Variants in IFNGR2 observed in about 807,000 individuals in gnomAD.
IFNGR2 encodes interferon gamma receptor 2, also known as IFN-gamma receptor 2.
In IFNGR2, 15 loss-of-function variants were observed where a neutral mutation model predicts 41.1. The observed-to-expected ratio is 0.37, with a 90% CI of 0.24 to 0.56. IFNGR2 has a LOEUF of 0.56. IFNGR2 is among the 20% of genes least tolerant of loss of function. The pLI is 0.81. For synonymous variants in IFNGR2, 161 were observed against 171.6 expected (o/e 0.94, Z 0.48); for missense variants, 362 against 415.7 (o/e 0.87, Z 1.12).
At chr21:33,416,333 A>G in intron 2 of IFNGR2, among the ~76,000 whole-genome samples, 1 of 152,244 alleles carries the variant, frequency 6.6e-6, no homozygotes, top group Non-Finnish European at 1.5e-5. Flanking sequence ...CAGACAGCCA[A>G]TAGAAAGGAT....
chr21:33,428,747 A>G (rs2083861280), intron 4 of IFNGR2, among the ~76,000 whole-genome samples: 1 of 152,218 alleles, frequency 6.6e-6, no homozygotes, highest in African/African-American at 2.4e-5. Flanking sequence ...TGCAAGAGAT[A>G]GGATGGGCCC....
chr21:33,432,673 G>A (rs769347613), intron 5 of IFNGR2, 41 bp from the exon 6 acceptor site: 12 of 1,605,490 alleles, frequency 7.5e-6, no homozygotes, highest in South Asian at 2.2e-5. Flanking sequence ...TGTGTTGTGC[G>A]TAGGAAGATC....
chr21:33,414,970 G>A lies in IFNGR2; in HGVS notation c.156G>A (p.Val52=), dbSNP rs1398515045. 5 of 1,614,138 alleles carry A rather than the reference G, an allele frequency of 3.1e-6. No homozygotes were observed. The South Asian group carries it at 4.4e-5, about 14-fold the overall frequency. The change falls in exon 2 of 7, where the codon GTG becomes GTA. Residue 52 remains valine (V), a synonymous_variant. Coordinates refer to ENST00000290219, the MANE Select transcript of IFNGR2 (RefSeq NM_005534.4). ...NAEQVLSWEP[V]ALSNSTRPVV... ...AGCAGGTCCTGAGTTGGGAGCCAGT[G>A]GCCCTGAGCAATAGCACGAGGCCTG...
chr21:33,432,415 AGGTCATG>A, intron 5 of IFNGR2, 79 bp downstream of exon 5: 4 of 1,379,682 alleles, frequency 2.9e-6, no homozygotes, highest in Non-Finnish European at 4.1e-6. Flanking sequence ...AATGCTTATG[AGGTCATG>A]GGTGGTGGGA....
intron 3 of IFNGR2, among the ~76,000 whole-genome samples, chr21:33,426,112 A>C (rs963379587): frequency 6.7e-6 from 1 of 148,478 alleles, no homozygotes; most frequent in Non-Finnish European, 1.5e-5. Context: ...AACACTTCTC[A>C]GTTATTGTGT....
intron 3 of IFNGR2, among the ~76,000 whole-genome samples, chr21:33,425,069 C>T (rs2083824898): frequency 6.6e-6 from 1 of 152,066 alleles, no homozygotes. Flanking sequence ...ACCACCATGC[C>T]CCACCATGCC....
At chr21:33,403,773 C>T (rs2083658036) in intron 1 of IFNGR2, among the ~76,000 whole-genome samples, 157 bp downstream of exon 1, 1 of 152,070 alleles carries the variant, frequency 6.6e-6, no homozygotes, top group Admixed American at 6.5e-5. Context: ...ATGCGGAGTG[C>T]TCAGATCAGG....
chr21:33,410,989 G>C, intron 1 of IFNGR2: 1 of 898,534 alleles, frequency 1.1e-6, no homozygotes, highest in Non-Finnish European at 1.8e-6. Context: ...TTTCCCATCG[G>C]GGGCCATGTG....
At chr21:33,424,374 C>G (rs980367116) in intron 3 of IFNGR2, among the ~76,000 whole-genome samples, 1 of 152,058 alleles carries the variant, frequency 6.6e-6, no homozygotes, top group Admixed American at 6.6e-5. Flanking sequence ...CAGGATGTAT[C>G]GTGACAGTGG....
In IFNGR2 at chr21:33,437,046, G is replaced by A. The variant is rs148361896; in HGVS notation, c.*84G>A. The A allele has an allele frequency of 2.9e-3, 4,142 of 1,446,204 alleles. 15 individuals are homozygous for A. Among genetic ancestry groups the A allele is most frequent in the Middle Eastern group, 3.6e-3 (18 of 4,976 alleles). The allele number at this position is 1,446,204 out of a possible 1,614,324, so 89.6% of individuals were successfully genotyped here. A position where few individuals can be genotyped will look rare whatever the true frequency, so the allele number is the denominator to read the frequency against. The stretch of plus-strand genomic sequence containing the variant: ...TAGAGTTCTGTCTGGACTTTCCAGA[G>A]ACCAGTATTCCCTTTTGCTGCCTCT... On this transcript the variant is annotated 3_prime_UTR_variant, in exon 7 of 7. Coordinates refer to ENST00000290219, the MANE Select transcript of IFNGR2 (RefSeq NM_005534.4).
At chr21:33,429,866 C>T (rs1055826167) in intron 4 of IFNGR2, among the ~76,000 whole-genome samples, 5 of 152,112 alleles carry the variant, frequency 3.3e-5, no homozygotes, top group Non-Finnish European at 4.4e-5. Flanking sequence ...AGGCTGGGCG[C>T]GGTGGCTTAC....
intron 4 of IFNGR2, among the ~76,000 whole-genome samples, chr21:33,431,799 T>C (rs1288132430): frequency 6.6e-6 from 1 of 152,204 alleles, no homozygotes; most frequent in Non-Finnish European, 1.5e-5. Context: ...TCTTAACTCC[T>C]GACCTCAGGT....
intron 1 of IFNGR2, among the ~76,000 whole-genome samples, chr21:33,404,108 C>T (rs935687931): frequency 7.9e-5 from 12 of 152,276 alleles, no homozygotes; most frequent in Non-Finnish European, 1.2e-4. Context: ...ATCCAGGGCT[C>T]CGGCGGGGGC....
chr21:33,411,928 TGGG>T (rs1218905111), intron 1 of IFNGR2, among the ~76,000 whole-genome samples: 4 of 152,202 alleles, frequency 2.6e-5, no homozygotes, highest in Admixed American at 2.6e-4. Context: ...TTTTTAGAGA[TGGG>T]GGGATCTCGC....
intron 1 of IFNGR2, among the ~76,000 whole-genome samples, chr21:33,414,291 G>A (rs1378226760): frequency 6.6e-6 from 1 of 152,190 alleles, no homozygotes; most frequent in South Asian, 2.1e-4. Context: ...GTGCCCAGAA[G>A]TCGGCGTTCC....
chr21:33,421,719 C>T (rs751511876), intron 3 of IFNGR2, 34 bp downstream of exon 3: 1 of 1,544,426 alleles, frequency 6.5e-7, no homozygotes, highest in South Asian at 1.1e-5. Flanking sequence ...TTCCTTTATA[C>T]TTTCCAGGTT....
At chr21:33,431,842 G>A (rs1053040086) in intron 4 of IFNGR2, among the ~76,000 whole-genome samples, 6 of 152,200 alleles carry the variant, frequency 3.9e-5, no homozygotes, top group East Asian at 1.9e-4. Flanking sequence ...AAAGTGGTGG[G>A]ATTATAGGCG....
rs1232116172 is a variant in IFNGR2, at chr21:33,432,764, T to C, written c.772T>C (p.Leu258=). Reference sequence around the variant, plus strand: ...CCTGATCTCCGTGGGAACATTTTCGTTGCTGTCGGTGCTGGCAGGAGCCTG... The same window carrying C: ...CCTGATCTCCGTGGGAACATTTTCGCTGCTGTCGGTGCTGGCAGGAGCCTG... ...VILISVGTFS[L]LSVLAGACFF... The change falls in exon 6 of 7, where the codon TTG becomes CTG. Residue 258 remains leucine, a synonymous_variant. Transcript: ENST00000290219. The C allele has an allele frequency of 6.2e-7, 1 of 1,614,216 alleles. No homozygotes were observed. Among genetic ancestry groups the C allele is most frequent in the African/African-American group, 1.3e-5 (1 of 75,060 alleles).
chr21:33,431,461 T>C (rs1326004037), intron 4 of IFNGR2, among the ~76,000 whole-genome samples: 1 of 151,946 alleles, frequency 6.6e-6, no homozygotes, highest in African/African-American at 2.4e-5. Context: ...TCCCAACTAC[T>C]CAGGAGTTGG....
Sources: gnomAD v4.1 joint callset for allele counts (sites outside exome capture counted in the v4.1 genomes callset) on GRCh38, gnomAD v4.1.1 for gene constraint, MANE v1.5 for transcripts, NCBI Gene and HGNC (gene_info 2026-07-23, HGNC 2026-07-21) for gene names.